Variants in MAP2K4 observed in about 807,000 individuals in gnomAD.
MAP2K4 encodes the protein dual specificity mitogen-activated protein kinase kinase 4.
A neutral mutation model predicts 48.5 loss-of-function variants in MAP2K4; 4 were observed. The observed-to-expected ratio is 0.08, with a 90% confidence interval of 0.04 to 0.19. The LOEUF (loss-of-function observed/expected upper bound fraction) is 0.19. Among genes scored for constraint, MAP2K4 ranks in the 10% least tolerant of loss-of-function variants. The pLI is 1.00. For synonymous variants in MAP2K4, 166 were observed against 173.1 expected, an observed-to-expected ratio of 0.96 and a Z score of 0.32; for missense variants, 258 against 493.3, an observed-to-expected ratio of 0.52 and a Z score of 4.52.
At position 12,054,764 on chromosome 17, in the gene MAP2K4, T is replaced by C. The variant is rs1970237210; in HGVS notation, c.116-125T>C. The stretch of plus-strand genomic sequence containing the variant: ...AAATTCCTCATTGCCTTTCAAAATA[T>C]TGTCCTATATTAACTGTTTGTTAAA... On this transcript the variant is annotated intron_variant, in intron 1 of 10. Coordinates refer to ENST00000353533, the MANE Select transcript of MAP2K4 (RefSeq NM_003010.4). 3 of 522,442 alleles carry C rather than the reference T, an allele frequency of 5.7e-6. No homozygotes were observed. The African/African-American group carries it at 5.8e-5, about 10-fold the overall frequency. The allele number at this position is 522,442 out of a possible 1,614,324, so 32.4% of individuals were successfully genotyped here.
intron 8 of MAP2K4, among the ~76,000 whole-genome samples, chr17:12,125,906 C>T (rs912292834): frequency 6.6e-6 from 1 of 152,148 alleles, no homozygotes; most frequent in Admixed American, 6.5e-5. Flanking sequence ...TCCATTCTCA[C>T]ACTACTGTAA....
chr17:12,121,822 A>G (rs1384041975), intron 7 of MAP2K4, among the ~76,000 whole-genome samples: 2 of 152,172 alleles, frequency 1.3e-5, no homozygotes, highest in Non-Finnish European at 2.9e-5. Context: ...AAAGCACATA[A>G]TGGTTACTAT....
intron 3 of MAP2K4, among the ~76,000 whole-genome samples, chr17:12,090,975 A>T (rs1971542913): frequency 6.6e-6 from 1 of 152,142 alleles, no homozygotes; most frequent in Non-Finnish European, 1.5e-5. Context: ...TTCATCCCTG[A>T]TGAGCACCAA....
intron 2 of MAP2K4, among the ~76,000 whole-genome samples, chr17:12,061,454 T>A (rs1183475639): frequency 2.0e-4 from 31 of 152,174 alleles, no homozygotes. Context: ...GCAGTGGTAA[T>A]AGGAGTGGTA....
At chr17:12,102,610 T>C (rs576143721) in intron 4 of MAP2K4, among the ~76,000 whole-genome samples, 5 of 152,258 alleles carry the variant, frequency 3.3e-5, no homozygotes, top group Non-Finnish European at 4.4e-5. Context: ...TTATTTTTTC[T>C]GTAAGTATTT....
At position 12,095,558 on chromosome 17, in the gene MAP2K4, T is replaced by C. The variant is rs201140822; in HGVS notation, c.394-17T>C. The C allele has an allele frequency of 4.3e-6, 7 of 1,613,408 alleles. No individual in the cohort carries two copies. The African/African-American group carries it at 6.7e-5, about 15-fold the overall frequency. On this transcript the variant is annotated splice_polypyrimidine_tract_variant and intron_variant, in intron 3 of 10. Transcript: ENST00000353533. ...AATTATTGTGTTTTTTTGACATCTT[T>C]TGTCATTCTTTTCCAGAGAATTCGG...
intron 7 of MAP2K4, among the ~76,000 whole-genome samples, chr17:12,123,397 A>G (rs765110820): frequency 6.6e-6 from 1 of 152,016 alleles, no homozygotes; most frequent in Non-Finnish European, 1.5e-5. Flanking sequence ...CCCCTCTTTC[A>G]TTCTGATTTT....
At chr17:12,103,540 C>T (rs922544102) in intron 4 of MAP2K4, among the ~76,000 whole-genome samples, 32 of 152,058 alleles carry the variant, frequency 2.1e-4, no homozygotes, top group Admixed American at 2.1e-3. Context: ...AGAGGAGAAA[C>T]AGCTACCCAA....
chr17:12,091,078 G>T (rs540701861), intron 3 of MAP2K4, among the ~76,000 whole-genome samples: 1 of 152,216 alleles, frequency 6.6e-6, no homozygotes, highest in Non-Finnish European at 1.5e-5. Context: ...GGAGATCTCA[G>T]TGTAAAGTTG....
chr17:12,101,314 T>TG (rs1487135343), intron 4 of MAP2K4, among the ~76,000 whole-genome samples: 1 of 152,072 alleles, frequency 6.6e-6, no homozygotes, highest in Non-Finnish European at 1.5e-5. Context: ...TCCATACAGA[T>TG]GTGTGTCTAT....
intron 8 of MAP2K4, among the ~76,000 whole-genome samples, chr17:12,128,334 C>T (rs1317804372): frequency 6.6e-6 from 1 of 152,222 alleles, no homozygotes; most frequent in East Asian, 1.9e-4. Context: ...GCCTCGGCAT[C>T]CCAAAGTGGT....
At chr17:12,132,190 T>C (rs551986725) in intron 9 of MAP2K4, among the ~76,000 whole-genome samples, 1 of 152,208 alleles carries the variant, frequency 6.6e-6, no homozygotes, top group Non-Finnish European at 1.5e-5. Flanking sequence ...GTATAGCTGA[T>C]CTAATATGGT....
intron 7 of MAP2K4, chr17:12,115,815 A>G (rs1972471935): frequency 1.4e-6 from 1 of 726,650 alleles, no homozygotes; most frequent in Non-Finnish European, 2.6e-6. Context: ...AGCTCTGCTG[A>G]CAGGAGCTGC....
At chr17:12,127,073 G>C (rs902891092) in intron 8 of MAP2K4, among the ~76,000 whole-genome samples, 1 of 152,146 alleles carries the variant, frequency 6.6e-6, no homozygotes. Flanking sequence ...TCTTCTCTGT[G>C]ATCAGAAGCA....
chr17:12,124,432 C>G (rs1359124939), intron 7 of MAP2K4: 2 of 152,100 alleles, frequency 1.3e-5, no homozygotes, highest in African/African-American at 2.4e-5. Context: ...TTTAATTTGG[C>G]TACAAATGAC....
intron 1 of MAP2K4, among the ~76,000 whole-genome samples, chr17:12,033,936 TATGCCACC>T (rs796941667): frequency 1.7e-4 from 26 of 152,234 alleles, no homozygotes; most frequent in African/African-American, 5.8e-4. Flanking sequence ...ACTACAGGTA[TATGCCACC>T]ACACCCAGCT....
intron 2 of MAP2K4, among the ~76,000 whole-genome samples, chr17:12,066,041 T>C (rs1970606862): frequency 6.6e-6 from 1 of 152,166 alleles, no homozygotes. Context: ...ACATCAGGTA[T>C]AGTGTACCCC....
At chr17:12,135,432 G>GT (rs1973173809) in intron 9 of MAP2K4, among the ~76,000 whole-genome samples, 1 of 152,124 alleles carries the variant, frequency 6.6e-6, no homozygotes, top group Non-Finnish European at 1.5e-5. Flanking sequence ...GGATTTCACT[G>GT]TATTACCCTG....
intron 9 of MAP2K4, among the ~76,000 whole-genome samples, chr17:12,139,541 A>G (rs1973310628): frequency 6.6e-6 from 1 of 152,192 alleles, no homozygotes; most frequent in Admixed American, 6.5e-5. Flanking sequence ...AAACATTTAT[A>G]TATTTAACTG....
Sources: allele counts gnomAD v4.1 joint callset (sites outside exome capture counted in the v4.1 genomes callset), GRCh38; gene constraint gnomAD v4.1.1; transcripts MANE v1.5; gene names NCBI Gene and HGNC (gene_info 2026-07-23, HGNC 2026-07-21).